The following GRID2 variants were observed in gnomAD, a reference collection of about 807,000 sequenced individuals.
GRID2 encodes the protein glutamate receptor ionotropic, delta-2.
In GRID2, 33 loss-of-function variants were observed where a neutral mutation model predicts 114.8. That is an observed-to-expected ratio of 0.29 (90% CI 0.22 to 0.38). The LOEUF (loss-of-function observed/expected upper bound fraction) is 0.38, where lower values mean the gene tolerates loss of function less well. Among genes scored for constraint, GRID2 ranks in the 10% least tolerant of loss-of-function variants. GRID2 has a pLI of 1.00. For synonymous variants in GRID2, 505 were observed against 449.9 expected, an observed-to-expected ratio of 1.12 and a Z score of -1.55; for missense variants, 1,184 against 1,257.7, an observed-to-expected ratio of 0.94 and a Z score of 0.89.
chr4:92,939,452 A>C (rs1265027854), intron 2 of GRID2, among the ~76,000 whole-genome samples: 1 of 147,046 alleles, frequency 6.8e-6, no homozygotes, highest in Non-Finnish European at 1.5e-5. Flanking sequence ...TTCATTGTAG[A>C]TTCTGGATAT....
chr4:92,942,469 A>T (rs1298804828), intron 2 of GRID2, among the ~76,000 whole-genome samples: 2 of 152,006 alleles, frequency 1.3e-5, no homozygotes, highest in East Asian at 3.9e-4. Flanking sequence ...GTGTCTCTGC[A>T]TGTGAGGTGG....
At chr4:93,108,114 G>A (rs1442791465) in intron 3 of GRID2, among the ~76,000 whole-genome samples, 6 of 152,018 alleles carry the variant, frequency 3.9e-5, no homozygotes, top group Non-Finnish European at 5.9e-5. Context: ...TATTTGCTTG[G>A]ATAATGTCTT....
intron 11 of GRID2, among the ~76,000 whole-genome samples, chr4:93,481,993 G>T (rs367739264): frequency 1.3e-5 from 2 of 151,982 alleles, no homozygotes; most frequent in African/African-American, 4.8e-5. Flanking sequence ...ATTCACTAAT[G>T]CAACTTAAAA....
intron 2 of GRID2, among the ~76,000 whole-genome samples, chr4:92,716,195 C>G (rs2149313839): frequency 6.6e-6 from 1 of 152,246 alleles, no homozygotes; most frequent in Admixed American, 6.5e-5. Context: ...AGTCAAAATT[C>G]CAATAATAGA....
At chr4:93,254,337 A>T (rs1252415318) in intron 8 of GRID2, among the ~76,000 whole-genome samples, 1 of 152,108 alleles carries the variant, frequency 6.6e-6, no homozygotes, top group Non-Finnish European at 1.5e-5. Context: ...GCTTGGATTA[A>T]TATAGGTTGT....
chr4:93,281,959 A>C (rs2149586875), intron 8 of GRID2, among the ~76,000 whole-genome samples: 1 of 152,190 alleles, frequency 6.6e-6, no homozygotes, highest in Admixed American at 6.6e-5. Context: ...GTCTTACCAT[A>C]ACATTTGAAG....
chr4:92,651,144 G>T (rs1410184918), intron 2 of GRID2, among the ~76,000 whole-genome samples: 2 of 152,080 alleles, frequency 1.3e-5, no homozygotes, highest in South Asian at 2.1e-4. Flanking sequence ...CAGAAACATT[G>T]TATGCCGGAA....
intron 2 of GRID2, among the ~76,000 whole-genome samples, chr4:92,776,697 T>C (rs1738816332): frequency 6.6e-6 from 1 of 152,108 alleles, no homozygotes; most frequent in Non-Finnish European, 1.5e-5. Flanking sequence ...GTAAAGATTG[T>C]TCTCTCTACT....
rs193119368 is a variant in GRID2 at position 92,376,724 on chromosome 4, T to G, written c.88+71980T>G. ...CATCCTCTGAAATCTAGGCAGAGGTTCCCAAACCCCAAATCTTGACTTTTG... is the reference window on the plus strand; with the variant it reads ...CATCCTCTGAAATCTAGGCAGAGGTGCCCAAACCCCAAATCTTGACTTTTG... On this transcript the variant is annotated intron_variant, in intron 1 of 15. Transcript: ENST00000282020. Among the ~76,000 whole-genome samples the G allele has an allele frequency of 2.4e-3, 370 of 152,258 alleles. 1 individual carries two copies. Among genetic ancestry groups the G allele is most frequent in the African/African-American group, 8.6e-3 (356 of 41,538 alleles).
chr4:92,792,920 A>T (rs1311114439), intron 2 of GRID2, among the ~76,000 whole-genome samples: 3 of 141,238 alleles, frequency 2.1e-5, no homozygotes, highest in Non-Finnish European at 4.6e-5. Flanking sequence ...GTCATTTTGC[A>T]CTTTCTTAAA....
At position 93,508,266 on chromosome 4, in the gene GRID2, C is replaced by T. The variant is rs1478017337; in HGVS notation, c.1998-6950C>T. 3.4e-5 allele frequency among the ~76,000 whole-genome samples: 5 copies of T among 146,962 alleles called. No individual in the cohort carries two copies. In the East Asian group the frequency reaches 6.0e-4, roughly 18 times the overall value. On this transcript the variant is annotated intron_variant, in intron 12 of 15. Coordinates refer to ENST00000282020, the MANE Select transcript of GRID2 (RefSeq NM_001510.4). Reference sequence around the variant, plus strand: ...AGGCTGGGGTGCAGTGGTGTGATATCGGCTCACTGCAACCTCTGCCTCCGG... The same window carrying T: ...AGGCTGGGGTGCAGTGGTGTGATATTGGCTCACTGCAACCTCTGCCTCCGG...
intron 2 of GRID2, among the ~76,000 whole-genome samples, chr4:92,699,876 T>C (rs72663530): frequency 6.6e-5 from 10 of 152,182 alleles, no homozygotes; most frequent in African/African-American, 2.4e-4. Flanking sequence ...TAGATCTGAT[T>C]TACAAAAATC....
At chr4:93,430,678 A>C (rs575372035) in intron 10 of GRID2, among the ~76,000 whole-genome samples, 1 of 152,368 alleles carries the variant, frequency 6.6e-6, no homozygotes, top group African/African-American at 2.4e-5. Flanking sequence ...GCCCTTGAAG[A>C]GATCTTGTCT....
intron 8 of GRID2, among the ~76,000 whole-genome samples, chr4:93,326,884 A>G (rs535136272): frequency 6.6e-6 from 1 of 152,294 alleles, no homozygotes; most frequent in Admixed American, 6.5e-5. Context: ...AGATGTTTTA[A>G]AATACTGGAT....
chr4:92,425,468 C>T (rs770835225), intron 1 of GRID2, among the ~76,000 whole-genome samples: 1 of 152,082 alleles, frequency 6.6e-6, no homozygotes, highest in Non-Finnish European at 1.5e-5. Flanking sequence ...CAATATTTTA[C>T]TTGCTTGAAC....
Position 93,405,266 on chromosome 4 carries a change from G to A in GRID2, c.1347+9558G>A, listed in dbSNP as rs530422888. Among the ~76,000 whole-genome samples, 7 of 152,208 alleles carry A rather than the reference G, an allele frequency of 4.6e-5. No homozygotes were observed. The South Asian group carries it at 1.5e-3, about 32-fold the overall frequency. ...GCCTATGCAAATGATGTAATTTAGA[G>A]CAACCATAGTATATGTGTTCACTTC... On this transcript the variant is annotated intron_variant, in intron 9 of 15. Transcript: ENST00000282020.
chr4:93,624,432 G>C (rs1478079538), intron 13 of GRID2, among the ~76,000 whole-genome samples: 1 of 152,118 alleles, frequency 6.6e-6, no homozygotes. Flanking sequence ...TGCAAAGAGA[G>C]TTTAAGCTTG....
chr4:93,095,544 G>A (rs1371630494), intron 3 of GRID2, among the ~76,000 whole-genome samples: 1 of 151,896 alleles, frequency 6.6e-6, no homozygotes, highest in African/African-American at 2.4e-5. Context: ...ACATAATAAT[G>A]CACATAGAAA....
intron 1 of GRID2, among the ~76,000 whole-genome samples, chr4:92,432,845 T>C (rs989596793): frequency 4.6e-5 from 7 of 152,098 alleles, no homozygotes; most frequent in African/African-American, 1.7e-4. Flanking sequence ...CAGCTGGGAA[T>C]GTGCTGGGTC....
Sources: allele counts gnomAD v4.1 joint callset (sites outside exome capture counted in the v4.1 genomes callset), GRCh38; gene constraint gnomAD v4.1.1; transcripts MANE v1.5; gene names NCBI Gene and HGNC (gene_info 2026-07-23, HGNC 2026-07-21).